Variants in GTF2F2 observed in about 807,000 individuals in gnomAD.
The protein encoded by GTF2F2 is ATP-dependent helicase GTF2F2.
Under a neutral mutation model 42.2 loss-of-function variants are expected in GTF2F2, and 23 were observed. The ratio of observed to expected loss-of-function variants is 0.55; its 90% CI spans 0.39 to 0.77. GTF2F2 has a LOEUF of 0.77. Among genes scored for constraint, GTF2F2 ranks in the 30% least tolerant of loss-of-function variants. The pLI is 0.00. For synonymous variants in GTF2F2, 105 were observed against 100.8 expected, an observed-to-expected ratio of 1.04 and a Z score of -0.25; for missense variants, 261 against 287.2, an observed-to-expected ratio of 0.91 and a Z score of 0.66.
chr13:45,126,962 GA>G (rs1262661791), intron 1 of GTF2F2, among the ~76,000 whole-genome samples: 1 of 152,142 alleles, frequency 6.6e-6, no homozygotes, highest in Non-Finnish European at 1.5e-5. Context: ...TTTCAGTAAT[GA>G]GTGAGATAGT....
At chr13:45,154,447 G>T (rs769426158) in intron 4 of GTF2F2, among the ~76,000 whole-genome samples, 23 of 152,160 alleles carry the variant, frequency 1.5e-4, no homozygotes, top group Non-Finnish European at 2.8e-4. Flanking sequence ...TCTTGGCAGG[G>T]ATATGGAAGA....
chr13:45,229,943 C>T (rs374460837), intron 5 of GTF2F2, among the ~76,000 whole-genome samples: 4 of 151,940 alleles, frequency 2.6e-5, no homozygotes, highest in South Asian at 2.1e-4. Flanking sequence ...AGGCCTGGTG[C>T]GGTGACTCAC....
At chr13:45,279,172 G>A (rs769670316) in intron 7 of GTF2F2, among the ~76,000 whole-genome samples, 1 of 152,094 alleles carries the variant, frequency 6.6e-6, no homozygotes, top group Non-Finnish European at 1.5e-5. Flanking sequence ...CTTAAACTGT[G>A]AACTCTGAGA....
intron 5 of GTF2F2, among the ~76,000 whole-genome samples, chr13:45,241,372 A>G (rs991845522): frequency 1.3e-5 from 2 of 151,904 alleles, no homozygotes; most frequent in East Asian, 1.9e-4. Context: ...GTTCTACTGC[A>G]CTGGACAGGC....
At chr13:45,241,209 G>A in intron 5 of GTF2F2, among the ~76,000 whole-genome samples, 1 of 146,590 alleles carries the variant, frequency 6.8e-6, no homozygotes, top group African/African-American at 2.6e-5. Flanking sequence ...ATATATATCT[G>A]CATTCTTAAA....
At chr13:45,235,372 A>C (rs1034013811) in intron 5 of GTF2F2, among the ~76,000 whole-genome samples, 7 of 152,124 alleles carry the variant, frequency 4.6e-5, no homozygotes, top group Admixed American at 6.5e-5. Context: ...AGAGCTGTTA[A>C]CGTTTTCTGA....
At chr13:45,155,364 T>C (rs1870704440) in intron 4 of GTF2F2, among the ~76,000 whole-genome samples, 1 of 152,238 alleles carries the variant, frequency 6.6e-6, no homozygotes. Flanking sequence ...TTTGTTTCTT[T>C]TTATTAGTGC....
At chr13:45,195,433 G>A (rs1446953721) in intron 4 of GTF2F2, among the ~76,000 whole-genome samples, 2 of 152,164 alleles carry the variant, frequency 1.3e-5, no homozygotes, top group African/African-American at 4.8e-5. Flanking sequence ...TACTGTGACT[G>A]TGTATGTGCA....
chr13:45,190,400 C>T (rs1872572516), intron 4 of GTF2F2, among the ~76,000 whole-genome samples: 1 of 152,130 alleles, frequency 6.6e-6, no homozygotes, highest in Non-Finnish European at 1.5e-5. Context: ...CTTGTGAATG[C>T]CTGTTTTCTG....
intron 4 of GTF2F2, among the ~76,000 whole-genome samples, chr13:45,180,111 G>C (rs1872078027): frequency 6.6e-6 from 1 of 151,976 alleles, no homozygotes; most frequent in Non-Finnish European, 1.5e-5. Context: ...TTTTTACTTA[G>C]TTGTGTTATC....
At chr13:45,216,936 C>T (rs887065990) in intron 5 of GTF2F2, among the ~76,000 whole-genome samples, 13 of 152,274 alleles carry the variant, frequency 8.5e-5, no homozygotes, top group African/African-American at 2.9e-4. Context: ...CAGCCATTTT[C>T]ACTCTTCCCC....
intron 1 of GTF2F2, among the ~76,000 whole-genome samples, chr13:45,122,596 T>C (rs1023841583): frequency 1.3e-5 from 2 of 152,076 alleles, no homozygotes; most frequent in African/African-American, 4.8e-5. Flanking sequence ...ATTGCTCCGT[T>C]GCACTCCAGC....
At chr13:45,150,261 T>C (rs1286557259) in intron 3 of GTF2F2, among the ~76,000 whole-genome samples, 1 of 152,224 alleles carries the variant, frequency 6.6e-6, no homozygotes, top group Admixed American at 6.5e-5. Flanking sequence ...GATGTTCTTT[T>C]GGGGAGATCT....
chr13:45,224,759 C>G (rs1438499602), intron 5 of GTF2F2, among the ~76,000 whole-genome samples: 1 of 152,162 alleles, frequency 6.6e-6, no homozygotes, highest in African/African-American at 2.4e-5. Flanking sequence ...CTGTTGATTG[C>G]CAAAGCTTGT....
At chr13:45,142,853 A>G (rs1467180278) in intron 2 of GTF2F2, among the ~76,000 whole-genome samples, 1 of 152,192 alleles carries the variant, frequency 6.6e-6, no homozygotes, top group Non-Finnish European at 1.5e-5. Context: ...GCATGTGACT[A>G]GGTTATCAGG....
At chr13:45,194,496 A>G (rs778251048) in intron 4 of GTF2F2, 3 of 1,614,116 alleles carry the variant, frequency 1.9e-6, no homozygotes, top group Middle Eastern at 1.6e-4. Flanking sequence ...TTCCTTGATC[A>G]GTATCTTCCA....
intron 4 of GTF2F2, among the ~76,000 whole-genome samples, chr13:45,192,548 A>C (rs918031604): frequency 6.6e-6 from 1 of 152,228 alleles, no homozygotes; most frequent in African/African-American, 2.4e-5. Context: ...TTAAAAGAGC[A>C]AATTTAAATA....
chr13:45,181,652 TG>T (rs970593553), intron 4 of GTF2F2, among the ~76,000 whole-genome samples: 7 of 152,266 alleles, frequency 4.6e-5, no homozygotes, highest in South Asian at 2.1e-4. Context: ...TGCTTTTAAG[TG>T]ATCTTCATAT....
At chr13:45,219,885 T>A (rs147700284) in intron 5 of GTF2F2, among the ~76,000 whole-genome samples, 1 of 152,222 alleles carries the variant, frequency 6.6e-6, no homozygotes, top group South Asian at 2.1e-4. Flanking sequence ...GAATTAATAA[T>A]GTTCAGGCAG....
Sources: gnomAD v4.1 joint callset for allele counts (sites outside exome capture counted in the v4.1 genomes callset) on GRCh38, gnomAD v4.1.1 for gene constraint, MANE v1.5 for transcripts, NCBI Gene and HGNC (gene_info 2026-07-23, HGNC 2026-07-21) for gene names.